Variants in EXOC4 observed in about 807,000 individuals in gnomAD.
The protein encoded by EXOC4 is SEC8-like 1.
In EXOC4, 71 loss-of-function variants were observed where a neutral mutation model predicts 107.2. The ratio of observed to expected loss-of-function variants is 0.66; its 90% CI spans 0.55 to 0.81. The LOEUF is 0.81. Ranked by LOEUF, EXOC4 falls within the 30% of genes least tolerant of loss-of-function variation. The pLI is 0.00. For synonymous variants in EXOC4, 456 were observed against 441.2 expected (o/e 1.03, Z -0.42); for missense variants, 1,108 against 1,189.6 (o/e 0.93, Z 1.01).
intron 11 of EXOC4, among the ~76,000 whole-genome samples, chr7:133,877,130 G>A (rs1421323237): frequency 6.6e-6 from 1 of 151,290 alleles, no homozygotes; most frequent in Non-Finnish European, 1.5e-5. Context: ...ATTTGGAATA[G>A]TTTCTATTGC....
chr7:134,082,992 CAG>C, the EXOC4 span, among the ~76,000 whole-genome samples: 4 of 152,120 alleles, frequency 2.6e-5, no homozygotes, highest in Admixed American at 6.5e-5. Flanking sequence ...ACTGAGGGGA[CAG>C]GGAGTAAGCA....
At chr7:133,967,312 C>T (rs1397635640) in intron 14 of EXOC4, among the ~76,000 whole-genome samples, 1 of 151,740 alleles carries the variant, frequency 6.6e-6, no homozygotes, top group African/African-American at 2.4e-5. Context: ...TTTTTCGTCT[C>T]TCTGTCTCTT....
chr7:133,791,112 C>A (rs1796694658), intron 10 of EXOC4, among the ~76,000 whole-genome samples: 1 of 152,114 alleles, frequency 6.6e-6, no homozygotes, highest in Admixed American at 6.6e-5. Context: ...ACAATGGATC[C>A]ACTCTTTTCC....
chr7:133,418,608 C>G (rs1402016708), intron 7 of EXOC4, among the ~76,000 whole-genome samples: 1 of 152,132 alleles, frequency 6.6e-6, no homozygotes, highest in Admixed American at 6.5e-5. Context: ...AACAGGAGCT[C>G]TAGTTAAAAC....
At chr7:133,767,127 T>C (rs995446789) in intron 10 of EXOC4, among the ~76,000 whole-genome samples, 3 of 151,930 alleles carry the variant, frequency 2.0e-5, no homozygotes, top group Non-Finnish European at 4.4e-5. Context: ...TTCCTTCAAT[T>C]TAAAACTACT....
chr7:133,560,645 A>G (rs1227775695), intron 9 of EXOC4, among the ~76,000 whole-genome samples: 2 of 152,176 alleles, frequency 1.3e-5, no homozygotes, highest in South Asian at 2.1e-4. Context: ...CTTTTATGGT[A>G]AAGTGGGCTG....
intron 11 of EXOC4, among the ~76,000 whole-genome samples, chr7:133,874,739 A>G (rs1462183536): frequency 6.6e-6 from 1 of 152,248 alleles, no homozygotes; most frequent in African/African-American, 2.4e-5. Context: ...TGCATCTCCC[A>G]CTGCATCTAA....
chr7:134,047,750 T>G (rs1795690253), intron 17 of EXOC4, among the ~76,000 whole-genome samples: 1 of 152,216 alleles, frequency 6.6e-6, no homozygotes, highest in African/African-American at 2.4e-5. Flanking sequence ...TATCAAGCCT[T>G]TCTTGTATGT....
At chr7:133,403,320 C>A (rs1797136518) in intron 7 of EXOC4, among the ~76,000 whole-genome samples, 1 of 152,202 alleles carries the variant, frequency 6.6e-6, no homozygotes, top group East Asian at 1.9e-4. Flanking sequence ...CTGTTTGAGA[C>A]CCTTAAGGGA....
chr7:133,662,762 G>A (rs772451737), intron 10 of EXOC4, among the ~76,000 whole-genome samples: 18 of 152,104 alleles, frequency 1.2e-4, no homozygotes, highest in Non-Finnish European at 2.2e-4. Flanking sequence ...GAGAACAGCA[G>A]AAGTAGCTAT....
intron 8 of EXOC4, among the ~76,000 whole-genome samples, chr7:133,478,124 T>A (rs960427976): frequency 6.6e-6 from 1 of 151,602 alleles, no homozygotes; most frequent in Non-Finnish European, 1.5e-5. Flanking sequence ...CCCTTTTCTT[T>A]TCTTTTTTTT....
intron 9 of EXOC4, among the ~76,000 whole-genome samples, chr7:133,598,174 C>T (rs1443222862): frequency 6.6e-6 from 1 of 152,154 alleles, no homozygotes; most frequent in African/African-American, 2.4e-5. Context: ...AAAGCCTTAC[C>T]TAACTACAAG....
intron 13 of EXOC4, among the ~76,000 whole-genome samples, chr7:133,924,926 T>C (rs940415402): frequency 1.3e-5 from 2 of 152,260 alleles, no homozygotes; most frequent in African/African-American, 4.8e-5. Context: ...CTATTTGGTA[T>C]ATGATTGACT....
At chr7:133,760,055 A>G (rs1048260958) in intron 10 of EXOC4, among the ~76,000 whole-genome samples, 92 of 152,254 alleles carry the variant, frequency 6.0e-4, no homozygotes, top group African/African-American at 2.2e-3. Flanking sequence ...TGGCAAAATC[A>G]CCAGAAAGTA....
intron 5 of EXOC4, among the ~76,000 whole-genome samples, chr7:133,342,518 T>C (rs1795686165): frequency 6.6e-6 from 1 of 152,180 alleles, no homozygotes; most frequent in Non-Finnish European, 1.5e-5. Flanking sequence ...ATCTCTTTGC[T>C]ATGAATTTAC....
At position 133,817,481 on chromosome 7, in the gene EXOC4, T is replaced by G; in HGVS notation, c.1671T>G (p.Pro557=). ...EIEGVTKTSD[P]LKILANADTM... ...AAGGAGTCACTAAAACATCTGACCC[T>G]TTGAAGATTCTGGCCAACGCAGACA... Residue 557 remains proline, a synonymous_variant, in exon 11 of 18, where the codon CCT becomes CCG. Coordinates refer to ENST00000253861, the MANE Select transcript of EXOC4 (RefSeq NM_021807.4). 1 of 1,614,176 alleles carries G rather than the reference T, an allele frequency of 6.2e-7. No individual in the cohort carries two copies. Among genetic ancestry groups the G allele is most frequent in the Non-Finnish European group, 8.5e-7 (1 of 1,180,012 alleles).
At chr7:133,563,679 T>G (rs755729498) in intron 9 of EXOC4, among the ~76,000 whole-genome samples, 5 of 152,228 alleles carry the variant, frequency 3.3e-5, no homozygotes, top group Non-Finnish European at 7.3e-5. Flanking sequence ...AATGGATTGG[T>G]AAAACTAGGC....
chr7:133,692,699 T>C (rs1274753681), intron 10 of EXOC4, among the ~76,000 whole-genome samples: 1 of 152,236 alleles, frequency 6.6e-6, no homozygotes, highest in Non-Finnish European at 1.5e-5. Flanking sequence ...TCAAACTTAG[T>C]ACTCAGTCTG....
At chr7:133,826,220 CT>C (rs1400363890) in intron 11 of EXOC4, among the ~76,000 whole-genome samples, 2 of 152,154 alleles carry the variant, frequency 1.3e-5, no homozygotes, top group Non-Finnish European at 2.9e-5. Context: ...CTTTTGGGAT[CT>C]GATAACATTC....
Sources: allele counts gnomAD v4.1 joint callset (sites outside exome capture counted in the v4.1 genomes callset), GRCh38; gene constraint gnomAD v4.1.1; transcripts MANE v1.5; gene names NCBI Gene and HGNC (gene_info 2026-07-23, HGNC 2026-07-21).